Variants in ANKRD11 observed in about 807,000 individuals in gnomAD.
ANKRD11 encodes ankyrin repeat domain-containing protein 11.
Under a neutral mutation model 195.7 loss-of-function variants are expected in ANKRD11, and 17 were observed. The ratio of observed to expected loss-of-function variants is 0.09; its 90% CI spans 0.06 to 0.13. The LOEUF is 0.13. Ranked by LOEUF, ANKRD11 falls within the 10% of genes least tolerant of loss-of-function variation. The pLI is 1.00. For missense variants in ANKRD11, 3,735 were observed against 3,566.1 expected, an observed-to-expected ratio of 1.05 and a Z score of -1.21; for synonymous variants, 1,953 against 1,528.1, an observed-to-expected ratio of 1.28 and a Z score of -6.49.
At chr16:89,327,659 C>T (rs1273100097) in intron 2 of ANKRD11, among the ~76,000 whole-genome samples, 2 of 152,004 alleles carry the variant, frequency 1.3e-5, no homozygotes, top group African/African-American at 4.8e-5. Flanking sequence ...ATACACAGTA[C>T]CATTCTATTT....
intron 1 of ANKRD11, among the ~76,000 whole-genome samples, chr16:89,451,410 A>ATTTT (rs1567823980): frequency 2.3e-5 from 2 of 86,496 alleles, no homozygotes; most frequent in African/African-American, 3.7e-5. Flanking sequence ...TTCACAAATT[A>ATTTT]CTTTTTTTTT....
chr16:89,315,221 G>A (rs577254981), intron 3 of ANKRD11, among the ~76,000 whole-genome samples: 5 of 152,288 alleles, frequency 3.3e-5, no homozygotes, highest in South Asian at 2.1e-4. Context: ...GGATGGGGGC[G>A]AGGCCTGAGC....
chr16:89,350,551 C>A (rs1012003161), intron 2 of ANKRD11, among the ~76,000 whole-genome samples: 2 of 152,166 alleles, frequency 1.3e-5, no homozygotes, highest in African/African-American at 4.8e-5. Context: ...ACACAAGAGT[C>A]CACACTCAAT....
chr16:89,460,028 G>A (rs2056597011), intron 1 of ANKRD11, among the ~76,000 whole-genome samples: 1 of 152,048 alleles, frequency 6.6e-6, no homozygotes, highest in South Asian at 2.1e-4. Flanking sequence ...TTGAGGTCCG[G>A]AGTTTGAGAC....
chr16:89,321,781 A>C (rs989149844), intron 2 of ANKRD11, among the ~76,000 whole-genome samples: 13 of 152,116 alleles, frequency 8.5e-5, no homozygotes, highest in African/African-American at 3.1e-4. Flanking sequence ...ACCATGAACA[A>C]CCTGGGTCTG....
chr16:89,269,205 G>C (rs531926163), intron 12 of ANKRD11, among the ~76,000 whole-genome samples: 4 of 152,136 alleles, frequency 2.6e-5, no homozygotes, highest in African/African-American at 9.7e-5. Flanking sequence ...CTCAAGGCTG[G>C]AGTGCAGTGG....
At chr16:89,332,228 G>C (rs116092310) in intron 2 of ANKRD11, among the ~76,000 whole-genome samples, 1,589 of 152,192 alleles carry the variant, frequency 0.01, 24 homozygotes, top group African/African-American at 0.035. Context: ...CACAATAAAG[G>C]ATCATTTTAC....
intron 2 of ANKRD11, among the ~76,000 whole-genome samples, chr16:89,329,641 T>G (rs943362012): frequency 6.6e-6 from 1 of 152,116 alleles, no homozygotes; most frequent in African/African-American, 2.4e-5. Context: ...AAAAACAGTA[T>G]GAGGTAGGAG....
intron 4 of ANKRD11, chr16:89,298,461 G>C (rs1046346457): frequency 6.6e-6 from 1 of 152,326 alleles, no homozygotes; most frequent in Non-Finnish European, 1.5e-5. Context: ...TGGATGAAAG[G>C]GCTGAGAGGC....
intron 2 of ANKRD11, among the ~76,000 whole-genome samples, chr16:89,344,465 A>G (rs963633167): frequency 6.6e-6 from 1 of 152,194 alleles, no homozygotes; most frequent in Non-Finnish European, 1.5e-5. Context: ...GAAAATATCC[A>G]TCTGTCTGAA....
chr16:89,406,316 C>A (rs967355619), intron 2 of ANKRD11, among the ~76,000 whole-genome samples: 2 of 152,108 alleles, frequency 1.3e-5, no homozygotes, highest in Admixed American at 6.5e-5. Flanking sequence ...AAGCACAGAC[C>A]CTCACTGCCA....
At position 89,307,875 on chromosome 16, in the gene ANKRD11, C is replaced by T. The variant is rs549758028; in HGVS notation, c.88-2531G>A. ...GTTCCACCAGACATCTGAAGAGAGGCCACCATCACCCTAATCTCAGAACCT... is the reference window on the plus strand; with the variant it reads ...GTTCCACCAGACATCTGAAGAGAGGTCACCATCACCCTAATCTCAGAACCT... On this transcript the variant is annotated intron_variant, in intron 3 of 12. Transcript: ENST00000301030. 2.0e-5 allele frequency among the ~76,000 whole-genome samples: 3 copies of T among 152,374 alleles called. No homozygotes were observed. In the East Asian group the frequency reaches 5.8e-4, roughly 29 times the overall value.
chr16:89,390,096 G>C lies in ANKRD11; in HGVS notation c.-60+28188C>G, dbSNP rs1435578247. On this transcript the variant is annotated intron_variant, in intron 2 of 12. Transcript: ENST00000301030. ...GAGTGTGGCGGGGAGCACAGACAGA[G>C]AAGATCACTGGGGCGAACACCGAGT... is the stretch of plus-strand genomic sequence containing the variant. Among the ~76,000 whole-genome samples, 3 of 58,836 alleles carry C rather than the reference G, an allele frequency of 5.1e-5. 1 individual carries two copies. The East Asian group carries it at 1.4e-3, about 28-fold the overall frequency. 38.6% of individuals were successfully genotyped at this position (58,836 alleles called of 152,430 possible).
chr16:89,344,373 GC>G, intron 2 of ANKRD11, among the ~76,000 whole-genome samples: 1 of 152,296 alleles, frequency 6.6e-6, no homozygotes, highest in Non-Finnish European at 1.5e-5. Flanking sequence ...TGCTATGAAT[GC>G]CTGGCCAGGC....
intron 2 of ANKRD11, among the ~76,000 whole-genome samples, chr16:89,371,152 CG>C (rs2040175618): frequency 6.6e-6 from 1 of 151,840 alleles, no homozygotes; most frequent in African/African-American, 2.4e-5. Context: ...TCAGGGTGCA[CG>C]TAAGTGGCTG....
rs899013747 is a variant in ANKRD11, at chr16:89,279,411, G to T, written c.7131C>A (p.Asp2377Glu). Reference protein sequence around the residue: ...TRAKARGSEDDDAQAQHPRKR... With the variant: ...TRAKARGSEDEDAQAQHPRKR... ...TGCGCGGATGCTGGGCCTGGGCGTCGTCGTCCTCGGAGCCGCGGGCCTTGG... is the reference window on the plus strand; with the variant it reads ...TGCGCGGATGCTGGGCCTGGGCGTCTTCGTCCTCGGAGCCGCGGGCCTTGG... The change falls in exon 9 of 13, where the codon GAC becomes GAA. Residue 2377 changes from aspartate (D) to glutamate (E), a missense_variant. Coordinates refer to ENST00000301030, the MANE Select transcript of ANKRD11 (RefSeq NM_013275.6). This position sits in a 1 kb window ranked among gnomAD's most constrained non-coding sequence, Gnocchi z 5.6. The T allele has an allele frequency of 1.3e-6, 2 of 1,536,156 alleles. No homozygotes were observed. The highest frequency in any genetic ancestry group is 2.7e-5 in the African/African-American group (2 of 72,750).
At chr16:89,317,618 AG>A (rs1173035767) in intron 2 of ANKRD11, among the ~76,000 whole-genome samples, 1 of 152,188 alleles carries the variant, frequency 6.6e-6, no homozygotes, top group Non-Finnish European at 1.5e-5. Context: ...TTGGTAGGCA[AG>A]GGGTGTCTCT....
intron 2 of ANKRD11, among the ~76,000 whole-genome samples, chr16:89,354,629 C>T (rs940871563): frequency 1.3e-5 from 2 of 152,316 alleles, no homozygotes; most frequent in South Asian, 2.1e-4. Context: ...CTCTTGTAAT[C>T]CCAGCACTTT....
At chr16:89,363,512 T>G (rs2039820700) in intron 2 of ANKRD11, among the ~76,000 whole-genome samples, 1 of 152,064 alleles carries the variant, frequency 6.6e-6, no homozygotes, top group Admixed American at 6.5e-5. Flanking sequence ...CTTGCAAAGT[T>G]TTGAAATCTC....
Sources: gnomAD v4.1 joint callset for allele counts (sites outside exome capture counted in the v4.1 genomes callset) on GRCh38, gnomAD v4.1.1 for gene constraint, Gnocchi (gnomAD v3.1) non-coding constraint, MANE v1.5 for transcripts, NCBI Gene and HGNC (gene_info 2026-07-23, HGNC 2026-07-21) for gene names.